Variants in LRCH3 observed in about 807,000 individuals in gnomAD.
LRCH3 encodes the protein leucine rich repeats and calponin homology domain containing 3, also known as DISP complex protein LRCH3.
In LRCH3, 68 loss-of-function variants were observed where a neutral mutation model predicts 104.5. The ratio of observed to expected loss-of-function variants is 0.65; its 90% CI spans 0.54 to 0.80. The LOEUF (loss-of-function observed/expected upper bound fraction) is 0.80, where lower values mean the gene tolerates loss of function less well. Among genes scored for constraint, LRCH3 ranks in the 30% least tolerant of loss-of-function variants. LRCH3 has a pLI of 0.00. For synonymous variants in LRCH3, 344 were observed against 361.3 expected (o/e 0.95, Z 0.54); for missense variants, 951 against 953.9 (o/e 1.00, Z 0.04).
chr3:197,791,682 C>T (rs1472679868), intron 1 of LRCH3, 142 bp downstream of exon 1: 2 of 966,862 alleles, frequency 2.1e-6, no homozygotes, highest in East Asian at 3.2e-5. Context: ...GAGAAGCCGA[C>T]GGCGCCAGCC....
chr3:197,865,347 A>T, intron 15 of LRCH3, 76 bp from the exon 16 acceptor site: 1 of 1,091,472 alleles, frequency 9.2e-7, no homozygotes, highest in Non-Finnish European at 1.3e-6. Flanking sequence ...GTCTTTTATA[A>T]TTTCAAAATT....
intron 1 of LRCH3, among the ~76,000 whole-genome samples, chr3:197,805,122 G>A (rs1301406466): frequency 2.6e-5 from 4 of 152,122 alleles, no homozygotes; most frequent in African/African-American, 9.7e-5. Flanking sequence ...TCGAACTCCC[G>A]ACCTCAGTGA....
At chr3:197,881,949 C>A in intron 20 of LRCH3, 1 of 985,448 alleles carries the variant, frequency 1.0e-6, no homozygotes, top group African/African-American at 1.7e-5. Context: ...AATGCTGAAA[C>A]ACTCAACACT....
chr3:197,858,829 T>G lies in LRCH3; in HGVS notation c.1645-5T>G. On this transcript the variant is annotated splice_region_variant and splice_polypyrimidine_tract_variant and intron_variant, in intron 14 of 20. Coordinates refer to ENST00000425562, the MANE Select transcript of LRCH3 (RefSeq NM_001365715.1). ...TGTTTCTTCTCTTTCTCATTTGAAATGTAGTCGCTGTCAGGGTTGAATCAA... is the reference window on the plus strand; with the variant it reads ...TGTTTCTTCTCTTTCTCATTTGAAAGGTAGTCGCTGTCAGGGTTGAATCAA... The G allele has an allele frequency of 6.2e-7, 1 of 1,612,408 alleles. No homozygotes were observed. The highest frequency in any genetic ancestry group is 8.5e-7 in the Non-Finnish European group (1 of 1,178,412).
intron 8 of LRCH3, among the ~76,000 whole-genome samples, chr3:197,834,025 C>T (rs1052638187): frequency 6.6e-6 from 1 of 152,144 alleles, no homozygotes; most frequent in East Asian, 1.9e-4. Flanking sequence ...ATTGTAGTCA[C>T]AGAATTATTT....
intron 17 of LRCH3, 33 bp downstream of exon 17, chr3:197,866,252 A>G (rs770662725): frequency 6.5e-7 from 1 of 1,529,222 alleles, no homozygotes; most frequent in South Asian, 1.1e-5. Context: ...GCCAGGAGCG[A>G]GGGGAGGTTT....
At chr3:197,874,712 A>G (rs888644249) in intron 19 of LRCH3, among the ~76,000 whole-genome samples, 1 of 152,086 alleles carries the variant, frequency 6.6e-6, no homozygotes, top group African/African-American at 2.4e-5. Flanking sequence ...TGGAAAAAAA[A>G]AGTTTGTAAC....
At position 197,883,073 on chromosome 3, in the gene LRCH3, C is replaced by T; in HGVS notation, c.2209-468C>T. 1.0e-6 allele frequency: 1 copy of T among 985,934 alleles called. No homozygotes were observed. Among genetic ancestry groups the T allele is most frequent in the Non-Finnish European group, 1.2e-6 (1 of 830,346 alleles). 61.1% of individuals were successfully genotyped at this position (985,934 alleles called of 1,614,324 possible). On this transcript the variant is annotated intron_variant, in intron 20 of 20. Transcript: ENST00000425562. This position sits in a 1 kb window ranked among gnomAD's most constrained non-coding sequence, Gnocchi z 4.2. ...GCAGATAGCGTAGAACTCATGCAGG[C>T]TGAGTTATGTTTTCAAACTATCTTT...
At position 197,827,009 on chromosome 3, in the gene LRCH3, G is replaced by C. The variant is rs529127586; in HGVS notation, c.772G>C (p.Ala258Pro). 6.2e-7 allele frequency: 1 copy of C among 1,613,748 alleles called. No individual in the cohort carries two copies. Residue 258 changes from alanine to proline, a missense_variant, in exon 5 of 21, where the codon GCA (alanine) becomes CCA (proline). By Grantham distance (27) the Ala-to-Pro change is conservative. Coordinates refer to ENST00000425562, the MANE Select transcript of LRCH3 (RefSeq NM_001365715.1). ...TAACAATCCACTACAATCACCTCCTGCACAGGTAAACCATAGTGGAAGCAT... is the reference window on the plus strand; with the variant it reads ...TAACAATCCACTACAATCACCTCCTCCACAGGTAAACCATAGTGGAAGCAT... ...LDNNPLQSPPAQICIKGKVHI... is the reference protein window; with the variant it reads ...LDNNPLQSPPPQICIKGKVHI...
chr3:197,818,445 G>T (rs556961666), intron 3 of LRCH3, among the ~76,000 whole-genome samples: 1 of 152,258 alleles, frequency 6.6e-6, no homozygotes, highest in Admixed American at 6.5e-5. Flanking sequence ...ATGGAAGATG[G>T]TTATCATAAA....
intron 1 of LRCH3, among the ~76,000 whole-genome samples, chr3:197,804,453 A>G (rs1732248198): frequency 6.6e-6 from 1 of 151,966 alleles, no homozygotes; most frequent in Non-Finnish European, 1.5e-5. Context: ...ATACTGGAAA[A>G]TAAAAAAACC....
intron 20 of LRCH3, chr3:197,882,331 C>T (rs1046605133): frequency 8.6e-5 from 85 of 985,224 alleles, no homozygotes; most frequent in Non-Finnish European, 9.8e-5. Context: ...TGCAGTTGCA[C>T]TCAAAGTATT....
intron 1 of LRCH3, among the ~76,000 whole-genome samples, chr3:197,814,209 C>T (rs888533922): frequency 3.3e-5 from 5 of 152,126 alleles, no homozygotes; most frequent in African/African-American, 1.2e-4. Flanking sequence ...AGGCAAAAGG[C>T]ACTTACTTAC....
At chr3:197,836,074 C>CTAGG (rs978534669) in intron 9 of LRCH3, among the ~76,000 whole-genome samples, 7 of 152,070 alleles carry the variant, frequency 4.6e-5, no homozygotes, top group African/African-American at 1.7e-4. Flanking sequence ...TAAAAGAAGT[C>CTAGG]TAGGTACTGT....
rs1165492961 is a variant in LRCH3 at position 197,881,005 on chromosome 3, TTAC to T, written c.2209-2533_2209-2531del. The T allele has an allele frequency of 1.4e-5, 18 of 1,267,862 alleles. 1 individual carries two copies. In the Middle Eastern group the frequency reaches 1.9e-3, roughly 135 times the overall value. The allele number at this position is 1,267,862 out of a possible 1,614,324, so 78.5% of individuals were successfully genotyped here. ...TCTTACCATAAATGCTGAAGCATTT[TTAC>T]TAATACAATTCTGAACTTGTACTTC... On this transcript the variant is annotated intron_variant, in intron 20 of 20. Coordinates refer to ENST00000425562, the MANE Select transcript of LRCH3 (RefSeq NM_001365715.1).
chr3:197,878,398 A>G (rs1000967933), intron 20 of LRCH3, among the ~76,000 whole-genome samples: 2 of 152,176 alleles, frequency 1.3e-5, no homozygotes, highest in Non-Finnish European at 2.9e-5. Flanking sequence ...CATGTTTGTT[A>G]TGGGCCAGCC....
At chr3:197,849,645 T>A (rs1291365044) in intron 12 of LRCH3, among the ~76,000 whole-genome samples, 1 of 152,214 alleles carries the variant, frequency 6.6e-6, no homozygotes, top group African/African-American at 2.4e-5. Context: ...TGGTTTATTC[T>A]TAATAGGTCA....
Position 197,883,645 on chromosome 3 carries a change from G to A in LRCH3, c.2313G>A (p.Gln771=), listed in dbSNP as rs1246103211. Reference sequence around the variant, plus strand: ...AACTTGCCCCACCCAAGCAACAGCAGCACCAGTTATCTGCTGTTTGAGGAT... The same window carrying A: ...AACTTGCCCCACCCAAGCAACAGCAACACCAGTTATCTGCTGTTTGAGGAT... ...LLELAPPKQQ[Q]HQLSAV is the part of the protein sequence containing the mutation. The change falls in exon 21 of 21, where the codon CAG becomes CAA. Residue 771 remains glutamine (Q), a synonymous_variant. Transcript: ENST00000425562. The surrounding 1 kb of genome is among the most constrained non-coding windows in gnomAD (Gnocchi z 4.2). 3.9e-6 allele frequency: 6 copies of A among 1,536,120 alleles called. No individual in the cohort carries two copies. The highest frequency in any genetic ancestry group is 5.2e-6 in the Non-Finnish European group (6 of 1,146,904).
chr3:197,837,859 C>T (rs1259215431), intron 9 of LRCH3, among the ~76,000 whole-genome samples: 2 of 150,880 alleles, frequency 1.3e-5, no homozygotes, highest in South Asian at 2.1e-4. Context: ...CCAGACTGGC[C>T]AACATGAAGA....
Sources: gnomAD v4.1 joint callset for allele counts (sites outside exome capture counted in the v4.1 genomes callset) on GRCh38, gnomAD v4.1.1 for gene constraint, Gnocchi (gnomAD v3.1) non-coding constraint, MANE v1.5 for transcripts, NCBI Gene and HGNC (gene_info 2026-07-23, HGNC 2026-07-21) for gene names.